The following SLC30A9 variants were observed in gnomAD, a reference collection of about 807,000 sequenced individuals.
The protein encoded by SLC30A9 is proton-coupled zinc antiporter SLC30A9, mitochondrial.
In SLC30A9, 58 loss-of-function variants were observed where a neutral mutation model predicts 87.5. The observed-to-expected ratio is 0.66, with a 90% CI of 0.54 to 0.82. The LOEUF is 0.82. Ranked by LOEUF, SLC30A9 falls within the 40% of genes least tolerant of loss-of-function variation. The probability of loss-of-function intolerance (pLI) is 0.00; values close to 1 mark genes in which losing one functional copy is unlikely to be tolerated. For missense variants in SLC30A9, 557 were observed against 679.1 expected (o/e 0.82, Z 2.00); for synonymous variants, 234 against 233.0 (o/e 1.00, Z -0.04).
intron 9 of SLC30A9, among the ~76,000 whole-genome samples, chr4:42,054,545 C>T (rs1717523732): frequency 6.7e-6 from 1 of 149,100 alleles, no homozygotes; most frequent in Non-Finnish European, 1.5e-5. Context: ...GGCTGGAGTG[C>T]AATGGCATGA....
chr4:42,039,604 A>C (rs1716835846), intron 8 of SLC30A9, among the ~76,000 whole-genome samples: 1 of 151,854 alleles, frequency 6.6e-6, no homozygotes, highest in Non-Finnish European at 1.5e-5. Context: ...CTAGGATTAT[A>C]GGTGCGCGCC....
intron 11 of SLC30A9, 131 bp from the exon 12 acceptor site, chr4:42,065,179 C>A (rs1008740421): frequency 1.6e-6 from 1 of 634,312 alleles, no homozygotes. Context: ...TGAGTTGTTT[C>A]CCATTAGTAA....
chr4:42,038,977 T>C lies in SLC30A9; in HGVS notation c.670-9T>C. On this transcript the variant is annotated splice_polypyrimidine_tract_variant and intron_variant, in intron 7 of 17. Coordinates refer to ENST00000264451, the MANE Select transcript of SLC30A9 (RefSeq NM_006345.4). ...GGAGGTATTAAAAAAAGTTTTTGTTTTTTTACAGCCACGCTCCAGAACAGC... is the reference window on the plus strand; with the variant it reads ...GGAGGTATTAAAAAAAGTTTTTGTTCTTTTACAGCCACGCTCCAGAACAGC... 1 of 1,612,506 alleles carries C rather than the reference T, an allele frequency of 6.2e-7. No individual in the cohort carries two copies. The highest frequency in any genetic ancestry group is 8.5e-7 in the Non-Finnish European group (1 of 1,179,018).
At chr4:42,027,286 A>G (rs1396289060) in intron 6 of SLC30A9, among the ~76,000 whole-genome samples, 1 of 152,242 alleles carries the variant, frequency 6.6e-6, no homozygotes, top group African/African-American at 2.4e-5. Context: ...GGACGTAGCC[A>G]TGATCTTTTA....
chr4:42,082,121 G>A (rs941881370), intron 17 of SLC30A9, among the ~76,000 whole-genome samples: 3 of 152,084 alleles, frequency 2.0e-5, no homozygotes, highest in African/African-American at 7.2e-5. Flanking sequence ...GGAGGCTGAG[G>A]CAGGAGAATG....
chr4:42,015,651 G>T (rs1715687543), intron 2 of SLC30A9, among the ~76,000 whole-genome samples: 1 of 152,032 alleles, frequency 6.6e-6, no homozygotes, highest in East Asian at 1.9e-4. Context: ...CGTGGTTATT[G>T]CATCATTCCT....
Position 42,020,472 on chromosome 4 carries a change from A to G in SLC30A9, c.391A>G (p.Ile131Val). The change falls in exon 4 of 18, where the codon ATC (isoleucine) becomes GTC (valine). Residue 131 changes from isoleucine to valine, a missense_variant. Physicochemically the swap from Ile to Val is conservative, Grantham distance 29. This residue lies in a region of SLC30A9 where 467 missense variants were observed against 529.8 expected (regional missense o/e 0.88). Transcript: ENST00000264451. The stretch of plus-strand genomic sequence containing the variant: ...CTCAAAGTACACTCAGAATAATTTC[A>G]TCACTGGAGTCAGAGCGATAAATGA... ...YGSKYTQNNFITGVRAINEFC... is the reference protein window; with the variant it reads ...YGSKYTQNNFVTGVRAINEFC... The G allele has an allele frequency of 6.2e-7, 1 of 1,603,906 alleles. No homozygotes were observed. Among genetic ancestry groups the G allele is most frequent in the Non-Finnish European group, 8.5e-7 (1 of 1,172,128 alleles).
At chr4:42,060,344 T>C (rs914677507) in intron 10 of SLC30A9, 98 bp downstream of exon 10, 1 of 907,824 alleles carries the variant, frequency 1.1e-6, no homozygotes, top group African/African-American at 1.6e-5. Context: ...TACCTGCAGT[T>C]TGTTCAAGAT....
chr4:42,022,362 G>T (rs1008059935), intron 4 of SLC30A9, among the ~76,000 whole-genome samples: 2 of 150,768 alleles, frequency 1.3e-5, no homozygotes, highest in Non-Finnish European at 2.9e-5. Context: ...TGAGTAGCTG[G>T]GATTACAGGC....
intron 2 of SLC30A9, among the ~76,000 whole-genome samples, chr4:42,013,651 G>A (rs1204497325): frequency 6.6e-6 from 1 of 152,166 alleles, no homozygotes; most frequent in African/African-American, 2.4e-5. Context: ...GGAAAGGACT[G>A]TCTATTCAGT....
chr4:42,039,568 T>C (rs1716834533), intron 8 of SLC30A9, among the ~76,000 whole-genome samples: 1 of 151,666 alleles, frequency 6.6e-6, no homozygotes, highest in African/African-American at 2.4e-5. Context: ...GTTCAAGCCA[T>C]TCTCCTGCAA....
intron 15 of SLC30A9, among the ~76,000 whole-genome samples, chr4:42,071,785 G>A (rs902631307): frequency 3.3e-5 from 5 of 152,038 alleles, no homozygotes; most frequent in African/African-American, 1.2e-4. Flanking sequence ...TGATGTTTTT[G>A]TCTGGTTTTG....
intron 10 of SLC30A9, among the ~76,000 whole-genome samples, chr4:42,062,706 T>C (rs575121538): frequency 5.9e-4 from 90 of 152,340 alleles, no homozygotes; most frequent in African/African-American, 2.0e-3. Flanking sequence ...GGATCTGTGG[T>C]ACATAATAGT....
intron 2 of SLC30A9, among the ~76,000 whole-genome samples, chr4:42,002,216 T>C (rs539597469): frequency 4.0e-4 from 61 of 152,190 alleles, no homozygotes; most frequent in Middle Eastern, 6.8e-3. Context: ...TTTTTAATTA[T>C]AGCCTCCTTT....
chr4:42,032,992 A>G (rs1333488663), intron 6 of SLC30A9, among the ~76,000 whole-genome samples: 1 of 152,192 alleles, frequency 6.6e-6, no homozygotes, highest in East Asian at 1.9e-4. Context: ...ATTAATACTA[A>G]CAATGTAATT....
rs530467666 is a variant in SLC30A9 at position 42,041,503 on chromosome 4, G to A, written c.737+2450G>A. Among the ~76,000 whole-genome samples the A allele has an allele frequency of 2.0e-4, 30 of 152,326 alleles. 1 individual carries two copies. The highest frequency in any genetic ancestry group is 7.2e-4 in the Admixed American group (11 of 15,298). On this transcript the variant is annotated intron_variant, in intron 8 of 17. Transcript: ENST00000264451. ...AATCTCAGCACTTTGGGAGGCTGAA[G>A]CAGGAGGATTACTTGAGCTCAGGAA...
intron 8 of SLC30A9, among the ~76,000 whole-genome samples, chr4:42,040,729 G>A (rs538573410): frequency 3.4e-5 from 5 of 148,896 alleles, no homozygotes; most frequent in Non-Finnish European, 5.9e-5. Flanking sequence ...CCGGGAGGTG[G>A]AGCTTGCAGT....
chr4:42,064,362 G>A (rs1177527911), intron 11 of SLC30A9, among the ~76,000 whole-genome samples: 2 of 152,102 alleles, frequency 1.3e-5, no homozygotes, highest in Admixed American at 6.6e-5. Context: ...TCTATTTTGA[G>A]TTGTAGTCAG....
chr4:41,992,278 C>G (rs976083722), intron 1 of SLC30A9, among the ~76,000 whole-genome samples: 1 of 151,418 alleles, frequency 6.6e-6, no homozygotes, highest in Non-Finnish European at 1.5e-5. Context: ...GAAATTGAGG[C>G]TGCAGTGAGC....
Sources: gnomAD v4.1 joint callset for allele counts (sites outside exome capture counted in the v4.1 genomes callset) on GRCh38, gnomAD v4.1.1 for gene constraint, gnomAD v4.1.1 regional missense constraint, MANE v1.5 for transcripts, NCBI Gene and HGNC (gene_info 2026-07-23, HGNC 2026-07-21) for gene names.